Variants in RLN2 observed in about 807,000 individuals in gnomAD.
RLN2 encodes prorelaxin H2.
Under a neutral mutation model 7.3 loss-of-function variants are expected in RLN2, and 10 were observed. The observed-to-expected ratio is 1.36, with a 90% confidence interval of 0.84 to 2.31. The LOEUF is 2.31. Ranked by LOEUF, RLN2 falls within the 30% of genes most tolerant of loss-of-function variation. The probability of loss-of-function intolerance (pLI) is 0.00; values close to 1 mark genes in which losing one functional copy is unlikely to be tolerated. For synonymous variants in RLN2, 103 were observed against 82.3 expected (o/e 1.25, Z -1.36); for missense variants, 298 against 217.6 (o/e 1.37, Z -2.32).
chr9:5,306,769 T>A (rs1299893248), upstream of RLN2, among the ~76,000 whole-genome samples: 2 of 151,966 alleles, frequency 1.3e-5, no homozygotes, highest in Non-Finnish European at 2.9e-5. Flanking sequence ...CAGTTCCAGT[T>A]GTAGTTCATC....
the RLN2 span, among the ~76,000 whole-genome samples, chr9:5,317,611 G>C: frequency 1.3e-5 from 2 of 151,390 alleles, no homozygotes; most frequent in Non-Finnish European, 2.9e-5. Context: ...TCAAAAGATG[G>C]TATTAAATTG....
the RLN2 span, among the ~76,000 whole-genome samples, chr9:5,337,700 A>C: frequency 6.6e-6 from 1 of 152,044 alleles, no homozygotes. Context: ...GTAAACATTT[A>C]TCTTAATCCC....
chr9:5,316,332 G>A, the RLN2 span, among the ~76,000 whole-genome samples: 1 of 151,514 alleles, frequency 6.6e-6, no homozygotes, highest in Non-Finnish European at 1.5e-5. Flanking sequence ...TACACTTTAA[G>A]TTCTGAATGT....
the RLN2 span, among the ~76,000 whole-genome samples, chr9:5,321,635 A>G: frequency 6.6e-6 from 1 of 151,670 alleles, no homozygotes; most frequent in East Asian, 1.9e-4. Context: ...GGGTGGGGGG[A>G]AGCAATGGAG....
the RLN2 span, among the ~76,000 whole-genome samples, chr9:5,331,566 A>C: frequency 6.6e-6 from 1 of 151,726 alleles, no homozygotes; most frequent in Admixed American, 6.6e-5. Context: ...CTCTCACAAG[A>C]ACAGAAAACC....
At chr9:5,323,514 TCTTTA>T in the RLN2 span, among the ~76,000 whole-genome samples, 1 of 151,938 alleles carries the variant, frequency 6.6e-6, no homozygotes, top group South Asian at 2.1e-4. Flanking sequence ...TTTTCCCTTT[TCTTTA>T]GAGTTGTGCA....
At chr9:5,331,297 G>A in the RLN2 span, among the ~76,000 whole-genome samples, 34 of 151,952 alleles carry the variant, frequency 2.2e-4, 1 homozygote, top group Non-Finnish European at 4.7e-4. Context: ...TAAAAAAAGA[G>A]ATTTTAGGCC....
the RLN2 span, among the ~76,000 whole-genome samples, chr9:5,326,000 T>C: frequency 6.6e-6 from 1 of 152,108 alleles, no homozygotes; most frequent in African/African-American, 2.4e-5. Context: ...TGTGGATTTT[T>C]TTAAATTACC....
the RLN2 span, chr9:5,311,836 T>C: frequency 1.7e-6 from 1 of 591,562 alleles, no homozygotes; most frequent in Non-Finnish European, 3.0e-6. Flanking sequence ...TTCTTTTTTT[T>C]TTATTATACC....
chr9:5,338,161 A>G, the RLN2 span, among the ~76,000 whole-genome samples: 6 of 112,370 alleles, frequency 5.3e-5, no homozygotes, highest in African/African-American at 2.1e-4. Context: ...TTCACGCTGC[A>G]TTAATGTACA....
At chr9:5,302,228 G>A (rs1425591062) in intron 1 of RLN2, among the ~76,000 whole-genome samples, 2 of 152,084 alleles carry the variant, frequency 1.3e-5, no homozygotes, top group Admixed American at 1.3e-4. Flanking sequence ...CTTTAGCTAT[G>A]GAACCTAGGC....
At chr9:5,316,161 T>C in the RLN2 span, among the ~76,000 whole-genome samples, 1,652 of 152,054 alleles carry the variant, frequency 0.011, 24 homozygotes, top group Non-Finnish European at 0.017. Flanking sequence ...AAGAAGCACA[T>C]AATTTTTGAG....
At chr9:5,301,353 T>G (rs917712881) in intron 1 of RLN2, among the ~76,000 whole-genome samples, 2 of 152,186 alleles carry the variant, frequency 1.3e-5, no homozygotes, top group African/African-American at 4.8e-5. Context: ...TTCAGCTCAG[T>G]TGAACATTCA....
At chr9:5,314,737 C>T in the RLN2 span, among the ~76,000 whole-genome samples, 5 of 152,008 alleles carry the variant, frequency 3.3e-5, no homozygotes, top group African/African-American at 1.2e-4. Context: ...GCCCAAGTGA[C>T]ATCTGCCCTC....
intron 1 of RLN2, among the ~76,000 whole-genome samples, chr9:5,302,538 C>T (rs1325725909): frequency 6.6e-6 from 1 of 152,152 alleles, no homozygotes; most frequent in Non-Finnish European, 1.5e-5. Flanking sequence ...TTGTCTTAAT[C>T]TCCACCTGCA....
At chr9:5,339,312 C>G in the RLN2 span, 1 of 427,822 alleles carries the variant, frequency 2.3e-6, no homozygotes, top group Non-Finnish European at 3.9e-6. Flanking sequence ...GTTCTCAGTG[C>G]TTTCCCTCCG....
chr9:5,320,849 G>A, the RLN2 span, among the ~76,000 whole-genome samples: 1 of 152,058 alleles, frequency 6.6e-6, no homozygotes, highest in East Asian at 1.9e-4. Context: ...CTGGAAGACT[G>A]GGTAGAAATG....
At chr9:5,328,204 G>C in the RLN2 span, among the ~76,000 whole-genome samples, 8 of 152,012 alleles carry the variant, frequency 5.3e-5, no homozygotes, top group Non-Finnish European at 1.2e-4. Context: ...AAACAGTGTA[G>C]AGAAGATCTT....
the RLN2 span, among the ~76,000 whole-genome samples, chr9:5,324,778 T>C: frequency 1.3e-5 from 2 of 152,110 alleles, no homozygotes; most frequent in African/African-American, 2.4e-5. Flanking sequence ...TGGCGTATTA[T>C]TATTGTGTAA....
Sources: allele counts gnomAD v4.1 joint callset (sites outside exome capture counted in the v4.1 genomes callset), GRCh38; gene constraint gnomAD v4.1.1; transcripts MANE v1.5; gene names NCBI Gene and HGNC (gene_info 2026-07-23, HGNC 2026-07-21).